The following SLC16A10 variants were observed in gnomAD, a reference collection of about 807,000 sequenced individuals.
SLC16A10 encodes the protein monocarboxylate transporter 10.
In SLC16A10, 27 loss-of-function variants were observed where a neutral mutation model predicts 40.0. That is an observed-to-expected ratio of 0.67 (90% CI 0.50 to 0.93). SLC16A10 has a LOEUF of 0.93. Among genes scored for constraint, SLC16A10 ranks in the 40% least tolerant of loss-of-function variants. The pLI is 0.00. For missense variants in SLC16A10, 529 were observed against 658.2 expected (o/e 0.80, Z 2.15); for synonymous variants, 213 against 249.8 (o/e 0.85, Z 1.39).
chr6:111,163,675 G>A (rs1772418211), intron 1 of SLC16A10, among the ~76,000 whole-genome samples: 2 of 152,160 alleles, frequency 1.3e-5, no homozygotes, highest in Non-Finnish European at 2.9e-5. Flanking sequence ...AAAGTAAGGG[G>A]TCAGAAAAGA....
chr6:111,169,009 TA>T (rs1772533435), intron 1 of SLC16A10, among the ~76,000 whole-genome samples: 1 of 152,010 alleles, frequency 6.6e-6, no homozygotes, highest in Admixed American at 6.6e-5. Flanking sequence ...AGGGACGACT[TA>T]AGAGATTTAA....
At chr6:111,207,233 T>G (rs1243735337) in intron 4 of SLC16A10, among the ~76,000 whole-genome samples, 1 of 152,262 alleles carries the variant, frequency 6.6e-6, no homozygotes, top group African/African-American at 2.4e-5. Context: ...TTCTTTGTTT[T>G]GTCGTGGAAC....
intron 3 of SLC16A10, among the ~76,000 whole-genome samples, chr6:111,197,786 G>A (rs1460939976): frequency 2.0e-5 from 3 of 152,124 alleles, no homozygotes; most frequent in Non-Finnish European, 4.4e-5. Flanking sequence ...TTGAGAGCAA[G>A]AGTATGGGTG....
intron 4 of SLC16A10, among the ~76,000 whole-genome samples, chr6:111,210,759 G>A (rs768937193): frequency 5.9e-5 from 9 of 152,160 alleles, no homozygotes; most frequent in Non-Finnish European, 8.8e-5. Flanking sequence ...GATTTTGGCC[G>A]GGCGCAGTGG....
chr6:111,213,002 C>T (rs1203513512), intron 4 of SLC16A10, among the ~76,000 whole-genome samples: 1 of 152,064 alleles, frequency 6.6e-6, no homozygotes, highest in African/African-American at 2.4e-5. Flanking sequence ...TGTTTCTAGT[C>T]ACCATTAAAT....
intron 1 of SLC16A10, among the ~76,000 whole-genome samples, chr6:111,133,323 T>A (rs1179952260): frequency 6.6e-6 from 1 of 152,156 alleles, no homozygotes; most frequent in African/African-American, 2.4e-5. Flanking sequence ...GGACTAATGC[T>A]CATTGGAAAA....
At position 111,228,154 on chromosome 6, in the gene SLC16A10, C is replaced by T. The variant is rs1413527458; in HGVS notation, c.*5919C>T. On this transcript the variant is annotated 3_prime_UTR_variant, in exon 6 of 6. Coordinates refer to ENST00000368851, the MANE Select transcript of SLC16A10 (RefSeq NM_018593.5). Reference sequence around the variant, plus strand: ...CTAATGAACACTTAGAATGCTTCGCCAGTGGCTTTTCAAGTTACACTGGAA... The same window carrying T: ...CTAATGAACACTTAGAATGCTTCGCTAGTGGCTTTTCAAGTTACACTGGAA... 1 of 152,130 alleles carries T rather than the reference C, an allele frequency of 6.6e-6. No individual in the cohort carries two copies. The highest frequency in any genetic ancestry group is 1.5e-5 in the Non-Finnish European group (1 of 68,024). The allele number at this position is 152,130 out of a possible 1,614,324, so 9.4% of individuals were successfully genotyped here.
intron 1 of SLC16A10, among the ~76,000 whole-genome samples, chr6:111,090,084 A>C (rs993631328): frequency 1.3e-5 from 2 of 151,708 alleles, no homozygotes; most frequent in Non-Finnish European, 2.9e-5. Flanking sequence ...GGTAGCTGAG[A>C]GTGAGGGAAG....
At chr6:111,164,457 T>G (rs941031822) in intron 1 of SLC16A10, among the ~76,000 whole-genome samples, 1 of 152,094 alleles carries the variant, frequency 6.6e-6, no homozygotes, top group Non-Finnish European at 1.5e-5. Context: ...AGGTGAACAA[T>G]TTTCAAAAGC....
At chr6:111,174,126 T>C (rs555843852) in intron 2 of SLC16A10, among the ~76,000 whole-genome samples, 1 of 152,312 alleles carries the variant, frequency 6.6e-6, no homozygotes, top group African/African-American at 2.4e-5. Flanking sequence ...ATTTAATATG[T>C]AGCTCTGGCT....
chr6:111,174,196 T>C (rs755069288), intron 2 of SLC16A10, among the ~76,000 whole-genome samples: 100 of 152,232 alleles, frequency 6.6e-4, no homozygotes, highest in Non-Finnish European at 9.4e-4. Context: ...GTCTCTACTT[T>C]AGTGGTTTAT....
rs760839034 is a variant in SLC16A10 at position 111,224,588 on chromosome 6, G to C, written c.*2353G>C. Reference sequence around the variant, plus strand: ...TCTATAACACTGAAAAAGTTCTATTGTAATAGACTCATACGGAGAATACTC... The same window carrying C: ...TCTATAACACTGAAAAAGTTCTATTCTAATAGACTCATACGGAGAATACTC... On this transcript the variant is annotated 3_prime_UTR_variant, in exon 6 of 6. Coordinates refer to ENST00000368851, the MANE Select transcript of SLC16A10 (RefSeq NM_018593.5). The C allele has an allele frequency of 6.6e-5, 10 of 152,098 alleles. No individual in the cohort carries two copies. The highest frequency in any genetic ancestry group is 1.2e-4 in the Non-Finnish European group (8 of 68,004). 9.4% of individuals were successfully genotyped at this position (152,098 alleles called of 1,614,324 possible).
intron 1 of SLC16A10, among the ~76,000 whole-genome samples, chr6:111,155,197 C>CT (rs33948560): frequency 2.3e-3 from 269 of 119,190 alleles, no homozygotes; most frequent in Middle Eastern, 4.1e-3. Context: ...TTCAACAGGA[C>CT]TTTTTTTTTT....
At chr6:111,089,924 T>TG (rs1331341871) in intron 1 of SLC16A10, among the ~76,000 whole-genome samples, 15 of 112,820 alleles carry the variant, frequency 1.3e-4, no homozygotes, top group African/African-American at 5.0e-4. Flanking sequence ...TTTTTTTTTT[T>TG]TTTTTTTTTT....
intron 1 of SLC16A10, among the ~76,000 whole-genome samples, chr6:111,147,035 C>CT (rs1318541128): frequency 5.9e-5 from 9 of 152,030 alleles, no homozygotes; most frequent in African/African-American, 2.2e-4. Context: ...TTAGTAGTTG[C>CT]CAAGGGCTGA....
Position 111,222,266 on chromosome 6 carries a change from GC to G in SLC16A10, c.*32del. On this transcript the variant is annotated 3_prime_UTR_variant, in exon 6 of 6. Coordinates refer to ENST00000368851, the MANE Select transcript of SLC16A10 (RefSeq NM_018593.5). Reference sequence around the variant, plus strand: ...TACATACCTCCACCAGACTGGACTTGCTTTTTGAATTTTAAGCAAGTTTCCT... The same window carrying G: ...TACATACCTCCACCAGACTGGACTTGTTTTTGAATTTTAAGCAAGTTTCCT... The G allele has an allele frequency of 6.5e-7, 1 of 1,545,872 alleles. No individual in the cohort carries two copies. The highest frequency in any genetic ancestry group is 1.3e-5 in the South Asian group (1 of 77,616).
At chr6:111,143,839 TG>T (rs1178448763) in intron 1 of SLC16A10, among the ~76,000 whole-genome samples, 1 of 152,114 alleles carries the variant, frequency 6.6e-6, no homozygotes, top group Non-Finnish European at 1.5e-5. Flanking sequence ...CTATGGACTT[TG>T]GGGCTGGGCA....
chr6:111,141,404 T>A (rs1413224613), intron 1 of SLC16A10, among the ~76,000 whole-genome samples: 1 of 152,230 alleles, frequency 6.6e-6, no homozygotes, highest in Non-Finnish European at 1.5e-5. Flanking sequence ...GCCTCACGCC[T>A]GTAATCCCAG....
chr6:111,158,750 C>T (rs71562280), intron 1 of SLC16A10, among the ~76,000 whole-genome samples: 1 of 152,098 alleles, frequency 6.6e-6, no homozygotes, highest in Non-Finnish European at 1.5e-5. Context: ...GTATTTTCTG[C>T]GTATCCACTA....
Sources: allele counts gnomAD v4.1 joint callset (sites outside exome capture counted in the v4.1 genomes callset), GRCh38; gene constraint gnomAD v4.1.1; transcripts MANE v1.5; gene names NCBI Gene and HGNC (gene_info 2026-07-23, HGNC 2026-07-21).